Variants in GATM observed in about 807,000 individuals in gnomAD.
GATM encodes glycine amidinotransferase, also known as glycine amidinotransferase, mitochondrial.
A neutral mutation model predicts 54.2 loss-of-function variants in GATM; 23 were observed. The ratio of observed to expected loss-of-function variants is 0.42; its 90% CI spans 0.31 to 0.60. GATM has a LOEUF of 0.60. Among genes scored for constraint, GATM ranks in the 20% least tolerant of loss-of-function variants. The pLI, the probability that GATM is intolerant of heterozygous loss-of-function variation, is 0.14. For missense variants in GATM, 401 were observed against 544.9 expected (o/e 0.74, Z 2.63); for synonymous variants, 168 against 183.1 (o/e 0.92, Z 0.67).
chr15:45,364,921 G>A, intron 6 of GATM, 61 bp from the exon 7 acceptor site: 1 of 1,285,588 alleles, frequency 7.8e-7, no homozygotes, highest in Non-Finnish European at 1.1e-6. Context: ...ATTATTATTA[G>A]TCTCTAATAG....
chr15:45,364,694 A>G (rs1242781560), intron 7 of GATM, 103 bp downstream of exon 7: 3 of 1,032,720 alleles, frequency 2.9e-6, no homozygotes, highest in Non-Finnish European at 4.5e-6. Context: ...CTGAGGAAAC[A>G]CATTCTCTAA....
exon 1 of GATM, chr15:45,402,195 G>C: frequency 3.6e-6 from 2 of 558,972 alleles, no homozygotes; most frequent in Non-Finnish European, 6.0e-6. Context: ...TCTCGGGAAA[G>C]CTCTGGGTTA....
At chr15:45,395,136 A>G (rs1017251907) in intron 3 of GATM, among the ~76,000 whole-genome samples, 14 of 152,206 alleles carry the variant, frequency 9.2e-5, no homozygotes, top group African/African-American at 3.4e-4. Flanking sequence ...CTTTGATGAA[A>G]TGGATACCTG....
chr15:45,383,821 C>A (rs760523975), intron 3 of GATM, among the ~76,000 whole-genome samples: 2 of 152,168 alleles, frequency 1.3e-5, no homozygotes, highest in African/African-American at 4.8e-5. Context: ...GGATTACAGG[C>A]ATGAGCCACC....
At chr15:45,385,505 T>C (rs1451925263) in intron 3 of GATM, among the ~76,000 whole-genome samples, 2 of 152,238 alleles carry the variant, frequency 1.3e-5, no homozygotes, top group African/African-American at 4.8e-5. Flanking sequence ...AAATTTAGGA[T>C]TTATAATAAA....
chr15:45,395,793 A>G (rs1263409385), intron 3 of GATM, among the ~76,000 whole-genome samples: 1 of 152,186 alleles, frequency 6.6e-6, no homozygotes, highest in Non-Finnish European at 1.5e-5. Context: ...CCATTGTACT[A>G]TAGTGCTCTG....
chr15:45,381,520 C>A (rs948358353), upstream of GATM, among the ~76,000 whole-genome samples: 7 of 152,178 alleles, frequency 4.6e-5, no homozygotes, highest in African/African-American at 1.7e-4. Flanking sequence ...ACAAAATAAA[C>A]AACAAAAGAG....
intron 3 of GATM, chr15:45,396,041 G>C (rs1250737838): frequency 6.6e-6 from 1 of 152,176 alleles, no homozygotes; most frequent in East Asian, 1.9e-4. Context: ...GAAAGACAAG[G>C]ATACCACAAC....
intron 2 of GATM, among the ~76,000 whole-genome samples, chr15:45,371,014 C>G (rs2140649204): frequency 6.6e-6 from 1 of 152,270 alleles, no homozygotes; most frequent in African/African-American, 2.4e-5. Context: ...ACCTCGTGAT[C>G]CACCCGCGTC....
chr15:45,395,358 T>A (rs562949606), intron 3 of GATM, among the ~76,000 whole-genome samples: 1 of 152,212 alleles, frequency 6.6e-6, no homozygotes, highest in South Asian at 2.1e-4. Context: ...CAATTTTTTT[T>A]AGATTTTTCA....
intron 3 of GATM, among the ~76,000 whole-genome samples, chr15:45,389,512 GGGCTCACTGCAAGCTCCACCTCCCA>G (rs1566845707): frequency 1.3e-5 from 2 of 152,172 alleles, no homozygotes; most frequent in African/African-American, 4.8e-5. Flanking sequence ...GGCACAATCT[GGGCTCACTGCAAGCTCCACCTCCCA>G]GGCTGAAGTG....
chr15:45,364,269 T>C (rs1047301157), intron 7 of GATM: 15 of 475,170 alleles, frequency 3.2e-5, no homozygotes, highest in Non-Finnish European at 3.4e-5. Context: ...TCCTAGCACT[T>C]TGGGAGGCTG....
chr15:45,395,867 T>A (rs1889922963), intron 3 of GATM, among the ~76,000 whole-genome samples: 1 of 152,192 alleles, frequency 6.6e-6, no homozygotes, highest in African/African-American at 2.4e-5. Context: ...AAAAATGGCA[T>A]TCAAGCTTTC....
At chr15:45,400,878 T>C (rs1176166208) in intron 1 of GATM, among the ~76,000 whole-genome samples, 1 of 152,202 alleles carries the variant, frequency 6.6e-6, no homozygotes, top group Non-Finnish European at 1.5e-5. Context: ...TGGAGCTGAA[T>C]AGAAGGAACT....
Position 45,364,371 on chromosome 15 carries a change from AT to A in GATM, c.1043-356del. The A allele has an allele frequency of 9.9e-6, 3 of 303,476 alleles. No individual in the cohort carries two copies. The South Asian group carries it at 1.1e-4, about 11-fold the overall frequency. 18.8% of individuals were successfully genotyped at this position (303,476 alleles called of 1,614,324 possible). On this transcript the variant is annotated intron_variant, in intron 7 of 8. Transcript: ENST00000396659. ...ACACAGCAAGACATCATCTCTACAA[AT>A]AAAAAAAAATAACTTGCTGGGCATA...
In GATM at chr15:45,378,445, C is replaced by T. The variant is rs1471775361; in HGVS notation, c.9G>A (p.Arg3=). 7 of 1,494,312 alleles carry T rather than the reference C, an allele frequency of 4.7e-6. No homozygotes were observed. Among genetic ancestry groups the T allele is most frequent in the African/African-American group, 2.9e-5 (2 of 69,020 alleles). The allele number at this position is 1,494,312 out of a possible 1,614,324, so 92.6% of individuals were successfully genotyped here. Reference sequence around the variant, plus strand: ...GGCTCCCGCCGCGCAGACACCGCACCCGCAGCATCGCCCTGGCCCGGCTGG... The same window carrying T: ...GGCTCCCGCCGCGCAGACACCGCACTCGCAGCATCGCCCTGGCCCGGCTGG... The part of the protein sequence containing the change: ML[R]VRCLRGGSRG... Residue 3 remains arginine, a synonymous_variant, in exon 1 of 9, where the codon CGG becomes CGA. Transcript: ENST00000396659.
chr15:45,376,127 T>C (rs914750735), intron 2 of GATM, among the ~76,000 whole-genome samples: 1 of 152,196 alleles, frequency 6.6e-6, no homozygotes, highest in African/African-American at 2.4e-5. Flanking sequence ...AGGGATCCAC[T>C]TGAGCAGGTG....
intron 3 of GATM, among the ~76,000 whole-genome samples, chr15:45,393,743 A>AGAT (rs1889896353): frequency 6.6e-6 from 1 of 152,204 alleles, no homozygotes; most frequent in Non-Finnish European, 1.5e-5. Context: ...CTGATTCAAT[A>AGAT]TCTGGATTCA....
At chr15:45,389,164 CTA>C (rs1889839965) in intron 3 of GATM, among the ~76,000 whole-genome samples, 1 of 152,222 alleles carries the variant, frequency 6.6e-6, no homozygotes, top group African/African-American at 2.4e-5. Context: ...TCCTTTAACA[CTA>C]AAAGTTTTTA....
Sources: gnomAD v4.1 joint callset for allele counts (sites outside exome capture counted in the v4.1 genomes callset) on GRCh38, gnomAD v4.1.1 for gene constraint, MANE v1.5 for transcripts, NCBI Gene and HGNC (gene_info 2026-07-23, HGNC 2026-07-21) for gene names.